Variants in TCERG1L observed in about 807,000 individuals in gnomAD.
TCERG1L encodes transcription elongation regulator 1 like.
Under a neutral mutation model 56.3 loss-of-function variants are expected in TCERG1L, and 37 were observed. The observed-to-expected ratio is 0.66, with a 90% CI of 0.51 to 0.87. The LOEUF is 0.87. Among genes scored for constraint, TCERG1L ranks in the 40% least tolerant of loss-of-function variants. The pLI, the probability that TCERG1L is intolerant of heterozygous loss-of-function variation, is 0.00. For missense variants in TCERG1L, 799 were observed against 774.2 expected, an observed-to-expected ratio of 1.03 and a Z score of -0.38; for synonymous variants, 324 against 326.3, an observed-to-expected ratio of 0.99 and a Z score of 0.08.
At position 131,142,138 on chromosome 10, in the gene TCERG1L, C is replaced by T. The variant is rs80258397; in HGVS notation, c.1189+4368G>A. Reference sequence around the variant, plus strand: ...CTGGATCATTCATTGTGCAAAGAGGCGGCTCAGGCCCTGGAGGCCAGCAGA... The same window carrying T: ...CTGGATCATTCATTGTGCAAAGAGGTGGCTCAGGCCCTGGAGGCCAGCAGA... On this transcript the variant is annotated intron_variant, in intron 7 of 11. Coordinates refer to ENST00000368642, the MANE Select transcript of TCERG1L (RefSeq NM_174937.4). Among the ~76,000 whole-genome samples the T allele has an allele frequency of 2.1e-4, 32 of 152,248 alleles. No homozygotes were observed. In the South Asian group the frequency reaches 2.9e-3, roughly 14 times the overall value.
chr10:131,151,736 C>T (rs1227523215), intron 6 of TCERG1L, among the ~76,000 whole-genome samples: 1 of 152,206 alleles, frequency 6.6e-6, no homozygotes, highest in Non-Finnish European at 1.5e-5. Flanking sequence ...CCACATTTCC[C>T]TTCTTCACTG....
intron 3 of TCERG1L, among the ~76,000 whole-genome samples, chr10:131,262,348 A>G (rs1404533314): frequency 6.6e-6 from 1 of 152,184 alleles, no homozygotes; most frequent in Non-Finnish European, 1.5e-5. Context: ...GGAGGCATAT[A>G]GGAGGTACTT....
At chr10:131,166,348 T>A (rs1029900955) in intron 5 of TCERG1L, among the ~76,000 whole-genome samples, 1 of 152,268 alleles carries the variant, frequency 6.6e-6, no homozygotes, top group African/African-American at 2.4e-5. Flanking sequence ...GAGGAAGGAC[T>A]GTACTATTGA....
intron 4 of TCERG1L, among the ~76,000 whole-genome samples, chr10:131,223,804 C>T (rs1257829028): frequency 6.6e-6 from 1 of 152,024 alleles, no homozygotes; most frequent in Non-Finnish European, 1.5e-5. Context: ...TCTCCTTTGG[C>T]AAGCAGCCCC....
chr10:131,245,969 T>G, intron 4 of TCERG1L, among the ~76,000 whole-genome samples: 2 of 151,802 alleles, frequency 1.3e-5, no homozygotes, highest in African/African-American at 2.4e-5. Context: ...GCTGAGTTGA[T>G]GGGAATGACG....
Position 131,098,317 on chromosome 10 carries a change from T to C in TCERG1L, c.1593A>G (p.Lys531=). 1 of 1,552,112 alleles carries C rather than the reference T, an allele frequency of 6.4e-7. No individual in the cohort carries two copies. The highest frequency in any genetic ancestry group is 8.7e-7 in the Non-Finnish European group (1 of 1,147,248). Residue 531 remains lysine (K), a synonymous_variant, in exon 11 of 12, where the codon AAA becomes AAG. Coordinates refer to ENST00000368642, the MANE Select transcript of TCERG1L (RefSeq NM_174937.4). ...EEFKKLLEES[K]VSPRTTFKEF... ...TTCTCTCTCCATACCTGGGAGACAC[T>C]TTAGATTCCTCTAGAAGTTTCTTGA...
chr10:131,253,970 G>A (rs912712617), intron 4 of TCERG1L, among the ~76,000 whole-genome samples: 1 of 143,424 alleles, frequency 7.0e-6, no homozygotes, highest in African/African-American at 2.4e-5. Context: ...AAAAGCAAAC[G>A]CAACAGTGAG....
chr10:131,120,272 C>T (rs971272547), intron 8 of TCERG1L, among the ~76,000 whole-genome samples: 7 of 152,114 alleles, frequency 4.6e-5, no homozygotes, highest in Admixed American at 1.3e-4. Context: ...GCACATTATC[C>T]GGTAAAATGC....
chr10:131,214,039 C>G (rs944698134), intron 4 of TCERG1L, among the ~76,000 whole-genome samples: 5 of 79,526 alleles, frequency 6.3e-5, no homozygotes, highest in African/African-American at 2.0e-4. Context: ...GTTACATACG[C>G]ACACACACAC....
At chr10:131,307,585 C>A (rs773573622) in intron 3 of TCERG1L, among the ~76,000 whole-genome samples, 7 of 152,072 alleles carry the variant, frequency 4.6e-5, no homozygotes, top group Non-Finnish European at 8.8e-5. Context: ...TTTTAAAAAT[C>A]AATTTAAAAA....
intron 8 of TCERG1L, among the ~76,000 whole-genome samples, chr10:131,125,241 C>G (rs993835465): frequency 6.7e-5 from 7 of 103,986 alleles, no homozygotes; most frequent in African/African-American, 2.4e-4. Context: ...TGATTCTTCA[C>G]CTTCATCATC....
At chr10:131,310,730 C>T (rs1846879224) in intron 1 of TCERG1L, among the ~76,000 whole-genome samples, 1 of 152,208 alleles carries the variant, frequency 6.6e-6, no homozygotes, top group African/African-American at 2.4e-5. Flanking sequence ...AGGGGAATCT[C>T]CGGTAACATC....
At position 131,282,029 on chromosome 10, in the gene TCERG1L, G is replaced by A. The variant is rs1033434689; in HGVS notation, c.671-21585C>T. ...CGGGCGCCTGTAGTCCCAGCTACTCGGGAGGCTGAGGCAGGAGAATGGCGT... is the reference window on the plus strand; with the variant it reads ...CGGGCGCCTGTAGTCCCAGCTACTCAGGAGGCTGAGGCAGGAGAATGGCGT... On this transcript the variant is annotated intron_variant, in intron 3 of 11. Transcript: ENST00000368642. Among the ~76,000 whole-genome samples the A allele has an allele frequency of 2.0e-5, 3 of 151,704 alleles. No homozygotes were observed. In the South Asian group the frequency reaches 6.3e-4, roughly 32 times the overall value.
chr10:131,093,970 TAGTG>T (rs1161829343), intron 11 of TCERG1L, among the ~76,000 whole-genome samples: 1 of 152,142 alleles, frequency 6.6e-6, no homozygotes, highest in Non-Finnish European at 1.5e-5. Flanking sequence ...GCCTGGCAAG[TAGTG>T]AGCCCCAAAC....
intron 6 of TCERG1L, among the ~76,000 whole-genome samples, chr10:131,160,090 C>A (rs754038576): frequency 2.6e-5 from 4 of 152,154 alleles, no homozygotes; most frequent in Non-Finnish European, 5.9e-5. Flanking sequence ...TGGTACTGCA[C>A]AGGTCCCAGC....
chr10:131,165,776 A>T (rs945842951), intron 5 of TCERG1L, among the ~76,000 whole-genome samples: 1 of 152,208 alleles, frequency 6.6e-6, no homozygotes, highest in Non-Finnish European at 1.5e-5. Context: ...CTCTACTGCT[A>T]CTTACCGAGG....
At chr10:131,124,723 G>GACAACA (rs1005536548) in intron 8 of TCERG1L, among the ~76,000 whole-genome samples, 1 of 151,970 alleles carries the variant, frequency 6.6e-6, no homozygotes, top group Admixed American at 6.6e-5. Flanking sequence ...TCCCCCAAAT[G>GACAACA]ACAACAACAA....
chr10:131,195,446 T>C (rs1050606723), intron 4 of TCERG1L, among the ~76,000 whole-genome samples: 1 of 152,180 alleles, frequency 6.6e-6, no homozygotes, highest in Non-Finnish European at 1.5e-5. Context: ...AAATCTCCGC[T>C]TTTCAAGGCT....
chr10:131,122,777 T>G (rs1845526861), intron 8 of TCERG1L, among the ~76,000 whole-genome samples: 1 of 152,206 alleles, frequency 6.6e-6, no homozygotes, highest in Non-Finnish European at 1.5e-5. Context: ...GAGGGTAGAC[T>G]GGGGACCCAC....
Sources: allele counts gnomAD v4.1 joint callset (sites outside exome capture counted in the v4.1 genomes callset), GRCh38; gene constraint gnomAD v4.1.1; transcripts MANE v1.5; gene names NCBI Gene and HGNC (gene_info 2026-07-23, HGNC 2026-07-21).